The following GNG4 variants were observed in gnomAD, a reference collection of about 807,000 sequenced individuals.
GNG4 encodes G protein subunit gamma 4.
GNG4 carries 4 observed loss-of-function variants against 5.8 expected under a neutral mutation model. The observed-to-expected ratio is 0.69, with a 90% CI of 0.34 to 1.57. The LOEUF is 1.57. GNG4 is among the 40% of genes most tolerant of loss of function. The pLI is 0.06. For missense variants in GNG4, 96 were observed against 95.1 expected (o/e 1.01, Z -0.04); for synonymous variants, 29 against 32.9 (o/e 0.88, Z 0.41).
chr1:235,575,222 G>A (rs971012984), intron 3 of GNG4, among the ~76,000 whole-genome samples: 4 of 152,068 alleles, frequency 2.6e-5, no homozygotes, highest in Non-Finnish European at 4.4e-5. Flanking sequence ...TGATTTTTTC[G>A]AATTTACAGT....
At chr1:235,595,155 G>A (rs1423407216) in intron 2 of GNG4, among the ~76,000 whole-genome samples, 2 of 152,184 alleles carry the variant, frequency 1.3e-5, no homozygotes, top group East Asian at 3.9e-4. Context: ...CCCCCAACAG[G>A]TGCACATCCA....
intron 3 of GNG4, among the ~76,000 whole-genome samples, chr1:235,559,871 G>A (rs910210516): frequency 1.3e-5 from 2 of 152,198 alleles, no homozygotes; most frequent in African/African-American, 4.8e-5. Flanking sequence ...AAAGAGAGTT[G>A]TAATATCACC....
intron 3 of GNG4, among the ~76,000 whole-genome samples, chr1:235,557,216 C>A (rs1686938822): frequency 6.6e-6 from 1 of 152,144 alleles, no homozygotes; most frequent in East Asian, 1.9e-4. Flanking sequence ...CTATACTCAG[C>A]CGCTATACTA....
intron 3 of GNG4, among the ~76,000 whole-genome samples, chr1:235,554,574 T>C (rs959439649): frequency 6.6e-6 from 1 of 152,182 alleles, no homozygotes; most frequent in Non-Finnish European, 1.5e-5. Flanking sequence ...CTGGACGCAG[T>C]GGCTCACACC....
intron 3 of GNG4, among the ~76,000 whole-genome samples, chr1:235,582,096 C>T (rs1477359870): frequency 6.6e-6 from 1 of 152,232 alleles, no homozygotes; most frequent in African/African-American, 2.4e-5. Flanking sequence ...TGTTGATTTT[C>T]TTGGTGTGTT....
intron 3 of GNG4, among the ~76,000 whole-genome samples, chr1:235,558,344 G>A (rs550381265): frequency 7.9e-5 from 12 of 152,272 alleles, no homozygotes; most frequent in South Asian, 2.1e-4. Context: ...TCATCACCCC[G>A]TCTTTTCACA....
At chr1:235,575,431 C>T (rs141745106) in intron 3 of GNG4, among the ~76,000 whole-genome samples, 130 of 152,274 alleles carry the variant, frequency 8.5e-4, no homozygotes, top group African/African-American at 2.9e-3. Flanking sequence ...TTAGTGCATC[C>T]ATCACCTGAA....
In GNG4 at chr1:235,649,644, G is replaced by T. The variant is rs1400390101; in HGVS notation, c.-123+18C>A. The T allele has an allele frequency of 2.0e-5, 3 of 152,094 alleles. No homozygotes were observed. Among genetic ancestry groups the T allele is most frequent in the South Asian group, 2.1e-4 (1 of 4,836 alleles). The allele number at this position is 152,094 out of a possible 1,614,324, so 9.4% of individuals were successfully genotyped here. On this transcript the variant is annotated intron_variant, in intron 1 of 3. Transcript: ENST00000391854. This position sits in a 1 kb window ranked among gnomAD's most constrained non-coding sequence, Gnocchi z 5.7. ...TCTCCCCGCGGACACCCGGGGCTCC[G>T]GCCGGGCGCCCACTTACCCGGAGCG...
chr1:235,648,349 G>A lies in GNG4; in HGVS notation c.-123+1313C>T, dbSNP rs1028698854. On this transcript the variant is annotated intron_variant, in intron 1 of 3. Transcript: ENST00000391854. The surrounding 1 kb of genome is among the most constrained non-coding windows in gnomAD (Gnocchi z 5.0). ...GCCACAGCCATCTCTTATCATGACC[G>A]GTCACTGAGCAAACCCTACATTTCA... Among the ~76,000 whole-genome samples, 1 of 152,126 alleles carries A rather than the reference G, an allele frequency of 6.6e-6. No homozygotes were observed. Among genetic ancestry groups the A allele is most frequent in the East Asian group, 1.9e-4 (1 of 5,196 alleles).
At chr1:235,590,273 G>T (rs1049909899) in intron 2 of GNG4, among the ~76,000 whole-genome samples, 2 of 152,034 alleles carry the variant, frequency 1.3e-5, no homozygotes, top group African/African-American at 4.8e-5. Flanking sequence ...TGACCAATAT[G>T]GTGAAATCCC....
chr1:235,583,705 C>T (rs2774335), intron 3 of GNG4, 35 bp downstream of exon 3: 540,022 of 1,344,728 alleles, frequency 0.4, 115,610 homozygotes, highest in East Asian at 0.78. Context: ...AGCTGAGCTT[C>T]GGGCGGAGGG....
intron 1 of GNG4, among the ~76,000 whole-genome samples, chr1:235,613,838 A>G (rs1050287976): frequency 5.9e-5 from 9 of 152,208 alleles, no homozygotes; most frequent in African/African-American, 2.2e-4. Context: ...GTTCTCATGC[A>G]GCAGAGGAAG....
intron 2 of GNG4, among the ~76,000 whole-genome samples, chr1:235,594,896 G>GCC (rs1688085109): frequency 6.6e-6 from 1 of 152,200 alleles, no homozygotes; most frequent in Admixed American, 6.5e-5. Context: ...CAGAGGAGGC[G>GCC]CCGAGAGCGA....
intron 3 of GNG4, among the ~76,000 whole-genome samples, chr1:235,564,095 A>G (rs1373184040): frequency 6.6e-6 from 1 of 152,238 alleles, no homozygotes; most frequent in Non-Finnish European, 1.5e-5. Flanking sequence ...TATAAAAATG[A>G]ATGAAATTGT....
chr1:235,582,801 A>G (rs1687669400), intron 3 of GNG4, among the ~76,000 whole-genome samples: 2 of 151,986 alleles, frequency 1.3e-5, no homozygotes, highest in Admixed American at 1.3e-4. Flanking sequence ...TGCTTCATAT[A>G]CCCTCATGTA....
chr1:235,637,428 G>A (rs1158244463), intron 1 of GNG4, among the ~76,000 whole-genome samples: 2 of 151,330 alleles, frequency 1.3e-5, no homozygotes, highest in Admixed American at 6.6e-5. Context: ...CAAGGTGGGG[G>A]GATCACTTGA....
chr1:235,606,054 G>A (rs569860836), intron 1 of GNG4, among the ~76,000 whole-genome samples: 34 of 151,916 alleles, frequency 2.2e-4, no homozygotes, highest in African/African-American at 7.2e-4. Flanking sequence ...GATTATAGGC[G>A]TACCACCATG....
intron 1 of GNG4, among the ~76,000 whole-genome samples, chr1:235,627,309 G>A (rs551070483): frequency 2.0e-5 from 3 of 151,998 alleles, no homozygotes; most frequent in East Asian, 1.9e-4. Flanking sequence ...GACAACCTCC[G>A]CCTTCTGGGT....
intron 2 of GNG4, among the ~76,000 whole-genome samples, chr1:235,594,669 C>G (rs1048198742): frequency 6.6e-6 from 1 of 152,222 alleles, no homozygotes; most frequent in East Asian, 1.9e-4. Context: ...GCGGGCCGGC[C>G]GCTCCCAGTG....
Sources: gnomAD v4.1 joint callset for allele counts (sites outside exome capture counted in the v4.1 genomes callset) on GRCh38, gnomAD v4.1.1 for gene constraint, Gnocchi (gnomAD v3.1) non-coding constraint, MANE v1.5 for transcripts, NCBI Gene and HGNC (gene_info 2026-07-23, HGNC 2026-07-21) for gene names.